COIL: variants seen among roughly 807,000 people sequenced by gnomAD.
The protein encoded by COIL is coilin, also known as coilin p80.
A neutral mutation model predicts 51.6 loss-of-function variants in COIL; 28 were observed. That is an observed-to-expected ratio of 0.54 (90% CI 0.40 to 0.74). The LOEUF (loss-of-function observed/expected upper bound fraction) is 0.74, where lower values mean the gene tolerates loss of function less well. COIL is among the 30% of genes least tolerant of loss of function. The pLI is 0.00. For synonymous variants in COIL, 233 were observed against 255.8 expected (o/e 0.91, Z 0.85); for missense variants, 667 against 685.9 (o/e 0.97, Z 0.31).
At chr17:56,944,443 T>G (rs1241350208) in intron 5 of COIL, among the ~76,000 whole-genome samples, 1 of 151,034 alleles carries the variant, frequency 6.6e-6, no homozygotes, top group Non-Finnish European at 1.5e-5. Context: ...ATACAAAAAA[T>G]TAGCCAGGTG....
At chr17:56,939,188 C>T (rs763224578) in intron 6 of COIL, 34 bp from the exon 7 acceptor site, 1 of 1,197,492 alleles carries the variant, frequency 8.4e-7, no homozygotes, top group Admixed American at 1.7e-5. Context: ...AGTTTAGGCA[C>T]TTCATTTTGA....
At chr17:56,951,029 A>G in intron 1 of COIL, 33 bp from the exon 2 acceptor site, 2 of 1,557,366 alleles carry the variant, frequency 1.3e-6, no homozygotes, top group Non-Finnish European at 8.6e-7. Context: ...AGCTAGAGTG[A>G]GCAATTTATA....
At chr17:56,959,723 C>T (rs1241505022) in intron 1 of COIL, among the ~76,000 whole-genome samples, 1 of 152,222 alleles carries the variant, frequency 6.6e-6, no homozygotes, top group African/African-American at 2.4e-5. Flanking sequence ...TGCACCTGAC[C>T]CTGAAGGCCG....
At position 56,949,741 on chromosome 17, in the gene COIL, G is replaced by T; in HGVS notation, c.1380C>A (p.Asp460Glu). ...IQNPVETPKK[D>E]YSLLPLLAAA... Reference sequence around the variant, plus strand: ...CTGCTAACAGTGGTAACAGACTATAGTCCTTCTTGGGTGTCTCTACTGGAT... The same window carrying T: ...CTGCTAACAGTGGTAACAGACTATATTCCTTCTTGGGTGTCTCTACTGGAT... Residue 460 changes from aspartate (D) to glutamate (E), a missense_variant, in exon 3 of 7, where the codon GAC becomes GAA. Asp to Glu is a conservative substitution (Grantham distance 45). Coordinates refer to ENST00000240316, the MANE Select transcript of COIL (RefSeq NM_004645.3). The T allele has an allele frequency of 1.2e-6, 2 of 1,614,108 alleles. No individual in the cohort carries two copies. Among genetic ancestry groups the T allele is most frequent in the Non-Finnish European group, 8.5e-7 (1 of 1,179,982 alleles).
intron 4 of COIL, among the ~76,000 whole-genome samples, chr17:56,947,123 T>C (rs572858933): frequency 5.9e-5 from 9 of 152,224 alleles, no homozygotes; most frequent in African/African-American, 2.2e-4. Context: ...CATGGTAGCC[T>C]CCGGGGGTAT....
At chr17:56,954,233 A>G (rs1280630747) in intron 1 of COIL, among the ~76,000 whole-genome samples, 2 of 152,120 alleles carry the variant, frequency 1.3e-5, no homozygotes, top group African/African-American at 4.8e-5. Context: ...ACGCCTTCCA[A>G]AACAGCTCTT....
At chr17:56,941,730 T>G (rs932688530) in intron 6 of COIL, among the ~76,000 whole-genome samples, 5 of 152,250 alleles carry the variant, frequency 3.3e-5, no homozygotes, top group African/African-American at 1.2e-4. Flanking sequence ...TGTAGTTATA[T>G]GCACTTCTCT....
intron 1 of COIL, among the ~76,000 whole-genome samples, chr17:56,959,383 AG>A: frequency 6.6e-6 from 1 of 152,300 alleles, no homozygotes; most frequent in East Asian, 1.9e-4. Context: ...AATCAGTCCA[AG>A]ATATGAATCC....
In COIL at chr17:56,961,005, C is replaced by T. The variant is rs754750653; in HGVS notation, c.15G>A (p.Glu5=). The T allele has an allele frequency of 5.0e-6, 8 of 1,613,916 alleles. No homozygotes were observed. Among genetic ancestry groups the T allele is most frequent in the Non-Finnish European group, 5.1e-6 (6 of 1,179,960 alleles). MAAS[E]TVRLRLQFDY... ...CAAATTGAAGCCGTAGCCTAACCGT[C>T]TCGGAAGCTGCCATCTTGCTTGGTG... Residue 5 remains glutamate (E), a synonymous_variant, in exon 1 of 7, where the codon GAG becomes GAA. Transcript: ENST00000240316.
At chr17:56,947,383 G>T (rs762829234) in intron 4 of COIL, among the ~76,000 whole-genome samples, 1 of 152,156 alleles carries the variant, frequency 6.6e-6, no homozygotes, top group Non-Finnish European at 1.5e-5. Flanking sequence ...AAATGTTTTT[G>T]AAAGCAATTT....
rs538813966 is a variant in COIL, at chr17:56,938,928, T to C, written c.*143A>G. The stretch of plus-strand genomic sequence containing the variant: ...ACCCATGTCATTTTAAATGATGAGG[T>C]AGATTGTTTCCTATGCAGTAAAGTG... On this transcript the variant is annotated 3_prime_UTR_variant, in exon 7 of 7. Transcript: ENST00000240316. 1.8e-5 allele frequency: 9 copies of C among 512,886 alleles called. No individual in the cohort carries two copies. The highest frequency in any genetic ancestry group is 3.2e-5 in the East Asian group (1 of 31,250). The allele number at this position is 512,886 out of a possible 1,614,324, so 31.8% of individuals were successfully genotyped here. A position where few individuals can be genotyped will look rare whatever the true frequency, so the allele number is the denominator to read the frequency against.
chr17:56,941,081 G>A lies in COIL; in HGVS notation c.1647+954C>T, dbSNP rs185973543. ...GAACCCGGGAGGCGGAGCTTGCAGT[G>A]AGCGGAGATCACGCCACTGCACTCC... On this transcript the variant is annotated intron_variant, in intron 6 of 6. Coordinates refer to ENST00000240316, the MANE Select transcript of COIL (RefSeq NM_004645.3). 3.4e-5 allele frequency: 5 copies of A among 146,638 alleles called. No individual in the cohort carries two copies. The East Asian group carries it at 8.1e-4, about 24-fold the overall frequency. The allele number at this position is 146,638 out of a possible 1,614,324, so 9.1% of individuals were successfully genotyped here.
At chr17:56,960,752 G>C in intron 1 of COIL, 23 bp downstream of exon 1, 1 of 1,327,720 alleles carries the variant, frequency 7.5e-7, no homozygotes, top group Non-Finnish European at 9.9e-7. Flanking sequence ...CCACCCGGCC[G>C]TCCCGCTCCC....
chr17:56,948,036 G>C (rs1305928075), intron 4 of COIL, among the ~76,000 whole-genome samples: 1 of 151,714 alleles, frequency 6.6e-6, no homozygotes, highest in Non-Finnish European at 1.5e-5. Context: ...GAGATAGTAA[G>C]TGCCTAAGAA....
At position 56,942,138 on chromosome 17, in the gene COIL, T is replaced by C. The variant is rs373793077; in HGVS notation, c.1559-15A>G. 1.3e-4 allele frequency: 207 copies of C among 1,594,430 alleles called. No individual in the cohort carries two copies. The highest frequency in any genetic ancestry group is 1.7e-4 in the Non-Finnish European group (202 of 1,162,176). ...TTCTCTCAAGGCTGAAACAAGAAGA[T>C]AGGGAGGAAAGAGAGTAAGTCATTT... On this transcript the variant is annotated splice_polypyrimidine_tract_variant and intron_variant, in intron 5 of 6. Coordinates refer to ENST00000240316, the MANE Select transcript of COIL (RefSeq NM_004645.3).
Position 56,950,210 on chromosome 17 carries a change from T to C in COIL, c.1032A>G (p.Val344=), listed in dbSNP as rs1474578164. The change falls in exon 2 of 7, where the codon GTA becomes GTG. Residue 344 remains valine, a synonymous_variant. Transcript: ENST00000240316. The part of the protein sequence containing the change: ...PECAAGFLKT[V]GLFAGRGRPG... ...GACGACCTCTTCCTGCAAAAAGGCC[T>C]ACTGTCTTTAAGAAACCCGCAGCAC... 1 of 1,614,156 alleles carries C rather than the reference T, an allele frequency of 6.2e-7. No individual in the cohort carries two copies. The highest frequency in any genetic ancestry group is 8.5e-7 in the Non-Finnish European group (1 of 1,180,030).
intron 4 of COIL, among the ~76,000 whole-genome samples, chr17:56,949,132 A>AT (rs907537046): frequency 1.8e-4 from 27 of 152,062 alleles, no homozygotes; most frequent in African/African-American, 5.8e-4. Flanking sequence ...AAATTAATAT[A>AT]TTTTTTTTAA....
chr17:56,958,341 T>C (rs1460187365), intron 1 of COIL, among the ~76,000 whole-genome samples: 1 of 152,226 alleles, frequency 6.6e-6, no homozygotes, highest in Non-Finnish European at 1.5e-5. Context: ...ATAGAGACTA[T>C]GTGTTCTTCC....
intron 1 of COIL, among the ~76,000 whole-genome samples, chr17:56,953,206 TC>T (rs370404667): frequency 1.3e-4 from 20 of 151,618 alleles, no homozygotes; most frequent in Non-Finnish European, 2.2e-4. Flanking sequence ...GGTCAGGAGA[TC>T]GAGACCATCC....
Sources: allele counts gnomAD v4.1 joint callset (sites outside exome capture counted in the v4.1 genomes callset), GRCh38; gene constraint gnomAD v4.1.1; transcripts MANE v1.5; gene names NCBI Gene and HGNC (gene_info 2026-07-23, HGNC 2026-07-21).